EEFSEC: variants seen among roughly 807,000 people sequenced by gnomAD.
The protein encoded by EEFSEC is selenocysteine-specific elongation factor.
EEFSEC carries 43 observed loss-of-function variants against 42.1 expected under a neutral mutation model. That is an observed-to-expected ratio of 1.02 (90% CI 0.80 to 1.32). EEFSEC has a LOEUF of 1.32. Ranked by LOEUF, EEFSEC falls within the 40% of genes most tolerant of loss-of-function variation. EEFSEC has a pLI of 0.00. For synonymous variants in EEFSEC, 354 were observed against 339.1 expected (o/e 1.04, Z -0.48); for missense variants, 745 against 803.6 (o/e 0.93, Z 0.88).
chr3:128,234,540 A>C (rs1188151099), intron 1 of EEFSEC, among the ~76,000 whole-genome samples: 1 of 152,166 alleles, frequency 6.6e-6, no homozygotes, highest in Admixed American at 6.5e-5. Context: ...AGCAAGGCTG[A>C]CTGTGGTGCG....
intron 5 of EEFSEC, among the ~76,000 whole-genome samples, chr3:128,351,962 G>T (rs2107580195): frequency 6.6e-6 from 1 of 152,328 alleles, no homozygotes; most frequent in South Asian, 2.1e-4. Context: ...CGTTGCCTTT[G>T]GTTTGACGTC....
chr3:128,341,357 G>A lies in EEFSEC; in HGVS notation c.911G>A (p.Cys304Tyr). ...DPKLLERGLV[C>Y]APESLHTVHA... ...AAGCTGCTGGAGCGCGGGTTGGTGTGTGCCCCCGAGTCCCTGCACACTGTC... is the reference window on the plus strand; with the variant it reads ...AAGCTGCTGGAGCGCGGGTTGGTGTATGCCCCCGAGTCCCTGCACACTGTC... Residue 304 changes from cysteine to tyrosine, a missense_variant, in exon 5 of 7, where the codon TGT becomes TAT. By Grantham distance (194) the Cys-to-Tyr change is radical (BLOSUM62 -2). Coordinates refer to ENST00000254730, the MANE Select transcript of EEFSEC (RefSeq NM_021937.5). 2 of 1,614,138 alleles carry A rather than the reference G, an allele frequency of 1.2e-6. No individual in the cohort carries two copies. Among genetic ancestry groups the A allele is most frequent in the South Asian group, 2.2e-5 (2 of 91,054 alleles).
rs1576653024 is a variant in EEFSEC at position 128,341,342 on chromosome 3, A to G, written c.896A>G (p.Glu299Gly). Reference protein sequence around the residue: ...CVTQFDPKLLERGLVCAPESL... With the variant: ...CVTQFDPKLLGRGLVCAPESL... ...ACCCAGTTTGACCCTAAGCTGCTGG[A>G]GCGCGGGTTGGTGTGTGCCCCCGAG... is the stretch of plus-strand genomic sequence containing the variant. The change falls in exon 5 of 7, where the codon GAG (glutamate) becomes GGG (glycine). Residue 299 changes from glutamate to glycine, a missense_variant. By Grantham distance (98) the Glu-to-Gly change is moderately conservative. Coordinates refer to ENST00000254730, the MANE Select transcript of EEFSEC (RefSeq NM_021937.5). 3 of 1,614,056 alleles carry G rather than the reference A, an allele frequency of 1.9e-6. No individual in the cohort carries two copies. Among genetic ancestry groups the G allele is most frequent in the Non-Finnish European group, 2.5e-6 (3 of 1,180,010 alleles).
Position 128,408,110 on chromosome 3 carries a change from C to G in EEFSEC, c.1642C>G (p.Leu548Val). The G allele has an allele frequency of 6.2e-7, 1 of 1,605,300 alleles. No individual in the cohort carries two copies. The highest frequency in any genetic ancestry group is 8.5e-7 in the Non-Finnish European group (1 of 1,175,742). ...PESKKILTPALKKRARAGRGE... is the reference protein window; with the variant it reads ...PESKKILTPAVKKRARAGRGE... The stretch of plus-strand genomic sequence containing the variant: ...GTCCAAGAAGATCCTGACACCCGCC[C>G]TCAAGAAGCGGGCCCGGGCTGGCCG... The change falls in exon 7 of 7, where the codon CTC (leucine) becomes GTC (valine). Residue 548 changes from leucine to valine, a missense_variant. Physicochemically the swap from Leu to Val is conservative, Grantham distance 32 (BLOSUM62 1). Transcript: ENST00000254730.
chr3:128,233,726 ACT>A (rs1298690108), intron 1 of EEFSEC, among the ~76,000 whole-genome samples: 3 of 151,956 alleles, frequency 2.0e-5, no homozygotes, highest in Non-Finnish European at 4.4e-5. Flanking sequence ...AGGCTCTTAG[ACT>A]CTGGCAGACA....
At chr3:128,210,090 ATTGT>A (rs2065740730) in intron 1 of EEFSEC, among the ~76,000 whole-genome samples, 1 of 152,228 alleles carries the variant, frequency 6.6e-6, no homozygotes, top group African/African-American at 2.4e-5. Flanking sequence ...CAGGAAATCC[ATTGT>A]TTAAGAAAAA....
chr3:128,306,609 A>G (rs2066829871), intron 4 of EEFSEC, among the ~76,000 whole-genome samples: 1 of 152,210 alleles, frequency 6.6e-6, no homozygotes, highest in African/African-American at 2.4e-5. Context: ...TAAAATCAAA[A>G]TCATTTTTAA....
At chr3:128,228,579 G>C (rs1303432140) in intron 1 of EEFSEC, among the ~76,000 whole-genome samples, 1 of 151,982 alleles carries the variant, frequency 6.6e-6, no homozygotes, top group Admixed American at 6.6e-5. Context: ...GGTCAGGGTT[G>C]GGGAGTCGGT....
intron 1 of EEFSEC, among the ~76,000 whole-genome samples, chr3:128,245,872 G>A (rs1241003319): frequency 6.6e-6 from 1 of 152,130 alleles, no homozygotes; most frequent in Non-Finnish European, 1.5e-5. Context: ...ATCCCCAGCA[G>A]TGGGATAGAA....
At chr3:128,200,540 G>A (rs1340452602) in intron 1 of EEFSEC, among the ~76,000 whole-genome samples, 1 of 151,956 alleles carries the variant, frequency 6.6e-6, no homozygotes, top group African/African-American at 2.4e-5. Context: ...CGCCCACCTC[G>A]GCCTCCCAAA....
At chr3:128,304,284 T>A (rs1165529651) in intron 4 of EEFSEC, among the ~76,000 whole-genome samples, 1 of 152,122 alleles carries the variant, frequency 6.6e-6, no homozygotes, top group Non-Finnish European at 1.5e-5. Flanking sequence ...ATCATTATAA[T>A]ATCTAATTTT....
At chr3:128,372,985 G>A (rs539204906) in intron 6 of EEFSEC, among the ~76,000 whole-genome samples, 1 of 152,376 alleles carries the variant, frequency 6.6e-6, no homozygotes, top group South Asian at 2.1e-4. Context: ...CTGAGGAGGA[G>A]GCAGGGGAGT....
chr3:128,407,883 C>CCTG (rs1424728441), intron 6 of EEFSEC, among the ~76,000 whole-genome samples, 186 bp from the exon 7 acceptor site: 7 of 152,156 alleles, frequency 4.6e-5, no homozygotes, highest in Non-Finnish European at 7.4e-5. Context: ...GGCACAGTGC[C>CCTG]CTGCTGTACA....
At chr3:128,200,530 C>G (rs553344833) in intron 1 of EEFSEC, among the ~76,000 whole-genome samples, 2 of 152,108 alleles carry the variant, frequency 1.3e-5, no homozygotes, top group East Asian at 3.9e-4. Flanking sequence ...TCAGGTGATC[C>G]GCCCACCTCG....
intron 1 of EEFSEC, among the ~76,000 whole-genome samples, chr3:128,167,059 C>T (rs1032024169): frequency 6.6e-6 from 1 of 152,098 alleles, no homozygotes; most frequent in African/African-American, 2.4e-5. Flanking sequence ...GACTCCAGGC[C>T]GAATGAACCA....
intron 4 of EEFSEC, among the ~76,000 whole-genome samples, chr3:128,335,411 G>A (rs1421916690): frequency 6.6e-6 from 1 of 152,210 alleles, no homozygotes; most frequent in Non-Finnish European, 1.5e-5. Context: ...ATCCAAGCAG[G>A]TATGGGAAGG....
At chr3:128,407,672 C>A (rs1031144762) in intron 6 of EEFSEC, among the ~76,000 whole-genome samples, 1 of 152,188 alleles carries the variant, frequency 6.6e-6, no homozygotes, top group African/African-American at 2.4e-5. Flanking sequence ...AGGGGTCAGC[C>A]TCCCAGGCAC....
chr3:128,264,282 G>C (rs920063419), intron 3 of EEFSEC, among the ~76,000 whole-genome samples: 22 of 152,358 alleles, frequency 1.4e-4, no homozygotes, highest in Non-Finnish European at 3.1e-4. Context: ...CAATGCGACA[G>C]GGTGTCCTTT....
chr3:128,367,521 C>G (rs557326172), intron 6 of EEFSEC, among the ~76,000 whole-genome samples: 1 of 152,300 alleles, frequency 6.6e-6, no homozygotes, highest in South Asian at 2.1e-4. Context: ...ACCTCCGCAT[C>G]GAACCAGCCA....
Sources: gnomAD v4.1 joint callset for allele counts (sites outside exome capture counted in the v4.1 genomes callset) on GRCh38, gnomAD v4.1.1 for gene constraint, MANE v1.5 for transcripts, NCBI Gene and HGNC (gene_info 2026-07-23, HGNC 2026-07-21) for gene names.